RANBP2: variants seen among roughly 807,000 people sequenced by gnomAD.
RANBP2 encodes the protein RAN binding protein 2.
Under a neutral mutation model 303.6 loss-of-function variants are expected in RANBP2, and 57 were observed. The ratio of observed to expected loss-of-function variants is 0.19; its 90% CI spans 0.15 to 0.23. RANBP2 has a LOEUF of 0.23. RANBP2 is among the 10% of genes least tolerant of loss of function. The pLI is 1.00. For missense variants in RANBP2, 3,138 were observed against 3,780.8 expected (o/e 0.83, Z 4.46); for synonymous variants, 1,167 against 1,301.5 (o/e 0.90, Z 2.23).
chr2:109,403,398 A>G, the RANBP2 span, among the ~76,000 whole-genome samples: 2 of 152,132 alleles, frequency 1.3e-5, no homozygotes, highest in African/African-American at 2.4e-5. Flanking sequence ...CCAATTGTTC[A>G]TTGTTTCCAC....
the RANBP2 span, among the ~76,000 whole-genome samples, chr2:109,201,478 T>C: frequency 3.3e-5 from 5 of 151,942 alleles, no homozygotes; most frequent in Admixed American, 6.6e-5. Flanking sequence ...CTCTCTCTTA[T>C]CTCTCTCTCC....
At chr2:109,157,290 C>G in the RANBP2 span, among the ~76,000 whole-genome samples, 9 of 152,200 alleles carry the variant, frequency 5.9e-5, no homozygotes, top group Non-Finnish European at 1.0e-4. Flanking sequence ...ATTCCTGTCT[C>G]CTACAGTGAT....
At chr2:109,625,346 A>G in the RANBP2 span, among the ~76,000 whole-genome samples, 1 of 152,112 alleles carries the variant, frequency 6.6e-6, no homozygotes, top group South Asian at 2.1e-4. Flanking sequence ...AATGACATGT[A>G]TAAAGCAGTT....
At chr2:109,000,548 A>G in the RANBP2 span, among the ~76,000 whole-genome samples, 3 of 152,136 alleles carry the variant, frequency 2.0e-5, no homozygotes, top group African/African-American at 7.2e-5. Context: ...CAAACAAACA[A>G]AAACCCAAAA....
At chr2:109,255,009 T>A in the RANBP2 span, among the ~76,000 whole-genome samples, 2 of 152,176 alleles carry the variant, frequency 1.3e-5, no homozygotes, top group African/African-American at 4.8e-5. Context: ...AGATCATTTG[T>A]ATCTGGAAAG....
At chr2:109,036,184 T>C in the RANBP2 span, among the ~76,000 whole-genome samples, 5 of 152,280 alleles carry the variant, frequency 3.3e-5, no homozygotes, top group South Asian at 1.0e-3. Context: ...AGAGACAACC[T>C]GAATAGTTCC....
chr2:108,737,613 G>C (rs1237463161), intron 6 of RANBP2, among the ~76,000 whole-genome samples: 2 of 147,628 alleles, frequency 1.4e-5, no homozygotes, highest in African/African-American at 5.1e-5. Flanking sequence ...CAGTGGTGCA[G>C]TCTCGGCTCA....
chr2:108,841,649 A>G, the RANBP2 span, among the ~76,000 whole-genome samples: 2 of 152,094 alleles, frequency 1.3e-5, no homozygotes, highest in African/African-American at 4.8e-5. Context: ...AGTTTTTTTA[A>G]TTAAATAGCA....
At chr2:109,736,331 C>T in the RANBP2 span, among the ~76,000 whole-genome samples, 244 of 152,292 alleles carry the variant, frequency 1.6e-3, no homozygotes, top group African/African-American at 5.6e-3. Flanking sequence ...TTCCCAGGCA[C>T]CTTCCATTTC....
At chr2:109,136,461 G>A in the RANBP2 span, among the ~76,000 whole-genome samples, 1 of 152,172 alleles carries the variant, frequency 6.6e-6, no homozygotes, top group South Asian at 2.1e-4. Context: ...GATCATGCAG[G>A]CACCCCATAA....
the RANBP2 span, among the ~76,000 whole-genome samples, chr2:109,581,809 T>C: frequency 1.3e-5 from 2 of 152,068 alleles, no homozygotes; most frequent in Admixed American, 1.3e-4. Flanking sequence ...ACACAGTACT[T>C]GAAAGTCCTG....
In RANBP2 at chr2:108,766,076, C is replaced by G; in HGVS notation, c.5537C>G (p.Ser1846Ter). The G allele has an allele frequency of 6.2e-7, 1 of 1,614,102 alleles. No individual in the cohort carries two copies. Among genetic ancestry groups the G allele is most frequent in the Non-Finnish European group, 8.5e-7 (1 of 1,180,008 alleles). ...QVGTGFKSNF[S>*]EKASKFGNTE... ...GGAACAGGATTTAAAAGTAATTTCT[C>G]AGAAAAAGCTTCTAAGTTTGGCAAT... is the stretch of plus-strand genomic sequence containing the variant. Residue 1846 changes from serine (S) to a stop codon, truncating the protein, a stop_gained, in exon 20 of 29, where the codon TCA (serine) becomes TGA (stop). Transcript: ENST00000283195. LOFTEE classifies it high-confidence loss of function.
At chr2:109,547,369 GT>G in the RANBP2 span, among the ~76,000 whole-genome samples, 3,987 of 117,814 alleles carry the variant, frequency 0.034, 131 homozygotes, top group African/African-American at 0.11. Flanking sequence ...TAATAAACTT[GT>G]TTTTTTTTTT....
chr2:109,587,187 T>A, the RANBP2 span, among the ~76,000 whole-genome samples: 1 of 151,886 alleles, frequency 6.6e-6, no homozygotes, highest in African/African-American at 2.4e-5. Flanking sequence ...ATGAAAGAGC[T>A]CGCAACGACA....
At chr2:109,227,900 CT>C in the RANBP2 span, among the ~76,000 whole-genome samples, 2 of 152,226 alleles carry the variant, frequency 1.3e-5, no homozygotes, top group African/African-American at 4.8e-5. Context: ...TCCCTGTAGG[CT>C]TCATGATGGT....
the RANBP2 span, chr2:108,989,416 T>A: frequency 6.6e-6 from 1 of 152,602 alleles, no homozygotes; most frequent in Non-Finnish European, 1.5e-5. Context: ...GATTTTTTTT[T>A]TTGCAGGGGT....
rs145614201 is a variant in RANBP2, at chr2:108,724,949, A to C, written c.73-4183A>C. 5.7e-3 allele frequency among the ~76,000 whole-genome samples: 868 copies of C among 152,224 alleles called. 2 individuals are homozygous for C. The highest frequency in any genetic ancestry group is 0.012 in the Admixed American group (177 of 15,274). On this transcript the variant is annotated intron_variant, in intron 1 of 28. Coordinates refer to ENST00000283195, the MANE Select transcript of RANBP2 (RefSeq NM_006267.5). ...TTTGACTGTGCAAGATGGGCGACAG[A>C]GTGAGACTCCATCTGAATTAAAAAA... is the stretch of plus-strand genomic sequence containing the variant.
chr2:108,763,137 A>T, intron 19 of RANBP2, 100 bp from the exon 20 acceptor site: 1 of 1,312,470 alleles, frequency 7.6e-7, no homozygotes, highest in African/African-American at 1.5e-5. Context: ...GATCTTCTTC[A>T]CTTCATATTC....
At chr2:109,369,841 C>T in the RANBP2 span, among the ~76,000 whole-genome samples, 1 of 152,226 alleles carries the variant, frequency 6.6e-6, no homozygotes, top group East Asian at 1.9e-4. Context: ...TAGACCCCAC[C>T]AGCCTAAAAC....
Sources: gnomAD v4.1 joint callset for allele counts (sites outside exome capture counted in the v4.1 genomes callset) on GRCh38, gnomAD v4.1.1 for gene constraint, MANE v1.5 for transcripts, NCBI Gene and HGNC (gene_info 2026-07-23, HGNC 2026-07-21) for gene names.